The following UPF1 variants were observed in gnomAD, a reference collection of about 807,000 sequenced individuals.
UPF1 encodes UPF1 RNA helicase and ATPase, also known as regulator of nonsense transcripts 1.
In UPF1, 9 loss-of-function variants were observed where a neutral mutation model predicts 129.2. That is an observed-to-expected ratio of 0.07 (90% CI 0.04 to 0.12). The LOEUF is 0.12. Among genes scored for constraint, UPF1 ranks in the 10% least tolerant of loss-of-function variants. The pLI is 1.00. For synonymous variants in UPF1, 649 were observed against 644.9 expected (o/e 1.01, Z -0.10); for missense variants, 788 against 1,525.3 (o/e 0.52, Z 8.05).
intron 20 of UPF1, among the ~76,000 whole-genome samples, chr19:18,864,971 T>G (rs1304611738): frequency 3.9e-5 from 6 of 152,146 alleles, no homozygotes; most frequent in Admixed American, 2.6e-4. Context: ...ACTCCTGATC[T>G]CAGGTGGTCC....
At position 18,853,448 on chromosome 19, in the gene UPF1, A is replaced by G; in HGVS notation, c.1156+98A>G. ...TGGATTTGATGCTCACTGCTGGGCCAGCATCTCATGCTCTGTGGTGGGTGC... is the reference window on the plus strand; with the variant it reads ...TGGATTTGATGCTCACTGCTGGGCCGGCATCTCATGCTCTGTGGTGGGTGC... On this transcript the variant is annotated intron_variant, in intron 8 of 23. Transcript: ENST00000262803. This position sits in a 1 kb window ranked among gnomAD's most constrained non-coding sequence, Gnocchi z 4.4. 2.5e-6 allele frequency: 3 copies of G among 1,205,610 alleles called. No homozygotes were observed. Among genetic ancestry groups the G allele is most frequent in the South Asian group, 3.1e-5 (2 of 64,806 alleles). The allele number at this position is 1,205,610 out of a possible 1,614,324, so 74.7% of individuals were successfully genotyped here.
chr19:18,857,059 G>T (rs199702106), intron 14 of UPF1, 39 bp downstream of exon 14: 12 of 1,591,148 alleles, frequency 7.5e-6, no homozygotes, highest in Admixed American at 5.3e-5. Context: ...GAAAACTCGT[G>T]TGTGTGATTC....
rs2145926032 is a variant in UPF1 at position 18,832,688 on chromosome 19, T to A, written c.231+248T>A. Among the ~76,000 whole-genome samples, 1 of 152,318 alleles carries A rather than the reference T, an allele frequency of 6.6e-6. No homozygotes were observed. Among genetic ancestry groups the A allele is most frequent in the South Asian group, 2.1e-4 (1 of 4,834 alleles). The stretch of plus-strand genomic sequence containing the variant: ...TCCGGCCGCGACCTGGCTGAGTTCC[T>A]TCGGCCCCCAACTCCTGGGCCGGGC... On this transcript the variant is annotated intron_variant, in intron 1 of 23. Coordinates refer to ENST00000262803, the MANE Select transcript of UPF1 (RefSeq NM_002911.4). The surrounding 1 kb of genome is among the most constrained non-coding windows in gnomAD (Gnocchi z 5.6).
Position 18,863,580 on chromosome 19 carries a change from A to C in UPF1, c.2743A>C (p.Lys915Gln). The change falls in exon 19 of 24, where the codon AAG becomes CAG. Residue 915 changes from lysine to glutamine, a missense_variant. Around this residue, in one of 6 missense-constraint regions of UPF1, gnomAD observed 218 missense variants for 318.1 expected, o/e 0.69. Transcript: ENST00000262803. Reference sequence around the variant, plus strand: ...GCGTGAGAGCCTCATGCAGTTCAGCAAGCCACGGAAGCTGGTCAACACTAT... The same window carrying C: ...GCGTGAGAGCCTCATGCAGTTCAGCCAGCCACGGAAGCTGGTCAACACTAT... ...NLRESLMQFS[K>Q]PRKLVNTINP... is the part of the protein sequence containing the mutation. The C allele has an allele frequency of 6.2e-7, 1 of 1,613,764 alleles. No homozygotes were observed. Among genetic ancestry groups the C allele is most frequent in the Admixed American group, 1.7e-5 (1 of 60,016 alleles).
chr19:18,850,251 TC>T lies in UPF1; in HGVS notation c.629+13del, dbSNP rs1047410923. ...GTGGTGCTGCTGTGCAGGTGAGTGG[TC>T]CCCAGATGTCTCCTGGGGGTGACCT... is the stretch of plus-strand genomic sequence containing the variant. On this transcript the variant is annotated intron_variant, in intron 4 of 23. Coordinates refer to ENST00000262803, the MANE Select transcript of UPF1 (RefSeq NM_002911.4). The surrounding 1 kb of genome is among the most constrained non-coding windows in gnomAD (Gnocchi z 7.1). The T allele has an allele frequency of 6.3e-7, 1 of 1,589,004 alleles. No individual in the cohort carries two copies. The highest frequency in any genetic ancestry group is 8.6e-7 in the Non-Finnish European group (1 of 1,167,142).
chr19:18,832,516 C>A lies in UPF1; in HGVS notation c.231+76C>A. Reference sequence around the variant, plus strand: ...AGACCTGCCCCGAACTCGCCTCGGGCCCGGCCTGTGTTTGGCCGGAGTCCC... The same window carrying A: ...AGACCTGCCCCGAACTCGCCTCGGGACCGGCCTGTGTTTGGCCGGAGTCCC... On this transcript the variant is annotated intron_variant, in intron 1 of 23. Transcript: ENST00000262803. This position sits in a 1 kb window ranked among gnomAD's most constrained non-coding sequence, Gnocchi z 5.6. 1 of 969,172 alleles carries A rather than the reference C, an allele frequency of 1.0e-6. No homozygotes were observed. Among genetic ancestry groups the A allele is most frequent in the South Asian group, 4.7e-5 (1 of 21,132 alleles). 60.0% of individuals were successfully genotyped at this position (969,172 alleles called of 1,614,324 possible). A position where few individuals can be genotyped will look rare whatever the true frequency, so the allele number is the denominator to read the frequency against.
chr19:18,854,752 C>T, intron 9 of UPF1, 43 bp downstream of exon 9: 1 of 1,607,246 alleles, frequency 6.2e-7, no homozygotes, highest in Non-Finnish European at 8.5e-7. Context: ...CTGGTTGCCA[C>T]CTGTGGCATC....
intron 11 of UPF1, chr19:18,855,472 G>C (rs570730983): frequency 3.5e-5 from 21 of 605,302 alleles, no homozygotes; most frequent in African/African-American, 7.4e-5. Context: ...TGGGGGCAGG[G>C]GGGGCATGGC....
At chr19:18,833,770 A>G (rs2055454223) in intron 1 of UPF1, among the ~76,000 whole-genome samples, 1 of 152,140 alleles carries the variant, frequency 6.6e-6, no homozygotes, top group Non-Finnish European at 1.5e-5. Context: ...AACTGGGGGA[A>G]CCACTCCTTG....
At chr19:18,856,771 G>C in intron 13 of UPF1, 106 bp from the exon 14 acceptor site, 1 of 1,450,962 alleles carries the variant, frequency 6.9e-7, no homozygotes, top group African/African-American at 1.4e-5. Flanking sequence ...TATAGTGTCA[G>C]GGAGGGTGAG....
intron 1 of UPF1, among the ~76,000 whole-genome samples, chr19:18,841,452 C>G (rs896987227): frequency 6.6e-6 from 1 of 152,206 alleles, no homozygotes; most frequent in African/African-American, 2.4e-5. Context: ...TGGCTTTTCA[C>G]GATTGTCCGA....
rs937451114 is a variant in UPF1 at position 18,857,377 on chromosome 19, G to T, written c.2026G>T (p.Ala676Ser). The part of the protein sequence containing the change: ...LGPVVMCKKA[A>S]KAGLSQSLFE... ...CCCAGTGGTGATGTGCAAGAAGGCGGCCAAGGCCGGGCTGTCACAGTCGCT... is the reference window on the plus strand; with the variant it reads ...CCCAGTGGTGATGTGCAAGAAGGCGTCCAAGGCCGGGCTGTCACAGTCGCT... The change falls in exon 15 of 24, where the codon GCC becomes TCC. Residue 676 changes from alanine (A) to serine (S), a missense_variant. Ala to Ser is a moderately conservative substitution (Grantham distance 99, BLOSUM62 1). This residue lies in a region of UPF1 where 140 missense variants were observed against 385.9 expected (regional missense o/e 0.36). Transcript: ENST00000262803. The T allele has an allele frequency of 6.8e-6, 11 of 1,613,410 alleles. No homozygotes were observed. The highest frequency in any genetic ancestry group is 6.8e-6 in the Non-Finnish European group (8 of 1,180,026).
Position 18,856,318 on chromosome 19 carries a change from C to T in UPF1, c.1824+18C>T. 2 of 1,580,996 alleles carry T rather than the reference C, an allele frequency of 1.3e-6. No homozygotes were observed. The highest frequency in any genetic ancestry group is 1.7e-6 in the Non-Finnish European group (2 of 1,154,880). On this transcript the variant is annotated intron_variant, in intron 13 of 23. Transcript: ENST00000262803. ...TGCTGATGGTGAGTGCCCCTCCTGC[C>T]TGCAAAAGGGCCTGTGGGCTGGCGG...
intron 1 of UPF1, among the ~76,000 whole-genome samples, chr19:18,838,813 T>C (rs1408523518): frequency 1.3e-5 from 2 of 152,216 alleles, no homozygotes; most frequent in African/African-American, 4.8e-5. Flanking sequence ...ACTGAGTGTG[T>C]TTTCAAATTG....
intron 1 of UPF1, among the ~76,000 whole-genome samples, chr19:18,839,434 G>A (rs1037668799): frequency 2.6e-5 from 4 of 152,042 alleles, no homozygotes; most frequent in Non-Finnish European, 5.9e-5. Context: ...GTAAATTTAC[G>A]GAATTGGGCA....
In UPF1 at chr19:18,832,380, C is replaced by T; in HGVS notation, c.171C>T (p.Gly57=). 8.3e-7 allele frequency: 1 copy of T among 1,198,944 alleles called. No individual in the cohort carries two copies. The highest frequency in any genetic ancestry group is 1.1e-6 in the Non-Finnish European group (1 of 951,146). 74.3% of individuals were successfully genotyped at this position (1,198,944 alleles called of 1,614,324 possible). Residue 57 remains glycine, a synonymous_variant, in exon 1 of 24, where the codon GGC becomes GGT. Transcript: ENST00000262803. This position sits in a 1 kb window ranked among gnomAD's most constrained non-coding sequence, Gnocchi z 5.6. ...GCGGCCCCGGCGGCCCGGGCGGTGG[C>T]GGCGCGGGAGGCCCGGGCGGCGCGG... ...PPGGPGGPGG[G]GAGGPGGAGA...
chr19:18,863,977 C>G (rs1284347947), intron 19 of UPF1, among the ~76,000 whole-genome samples, 193 bp from the exon 20 acceptor site: 2 of 152,068 alleles, frequency 1.3e-5, no homozygotes, highest in East Asian at 3.9e-4. Context: ...CATCAGAGCC[C>G]AGGTCTGCCG....
intron 6 of UPF1, 115 bp from the exon 7 acceptor site, chr19:18,852,872 G>C (rs1324737865): frequency 2.4e-6 from 2 of 834,632 alleles, no homozygotes; most frequent in Non-Finnish European, 3.9e-6. Context: ...CACGGCGCCT[G>C]CTCTCACGGC....
intron 9 of UPF1, 46 bp downstream of exon 9, chr19:18,854,755 G>A: frequency 6.2e-7 from 1 of 1,607,508 alleles, no homozygotes; most frequent in Non-Finnish European, 8.5e-7. Context: ...GTTGCCACCT[G>A]TGGCATCTTT....
Sources: allele counts gnomAD v4.1 joint callset (sites outside exome capture counted in the v4.1 genomes callset), GRCh38; gene constraint gnomAD v4.1.1; regional missense constraint gnomAD v4.1.1; non-coding constraint Gnocchi (gnomAD v3.1); transcripts MANE v1.5; gene names NCBI Gene and HGNC (gene_info 2026-07-23, HGNC 2026-07-21).